Variants in RABGAP1L observed in about 807,000 individuals in gnomAD.
The protein encoded by RABGAP1L is RAB GTPase activating protein 1 like, also known as rab GTPase-activating protein 1-like.
Under a neutral mutation model 137.7 loss-of-function variants are expected in RABGAP1L, and 63 were observed. That is an observed-to-expected ratio of 0.46 (90% CI 0.37 to 0.56). The LOEUF is 0.56. Among genes scored for constraint, RABGAP1L ranks in the 20% least tolerant of loss-of-function variants. RABGAP1L has a pLI of 0.00. For missense variants in RABGAP1L, 1,095 were observed against 1,244.0 expected, an observed-to-expected ratio of 0.88 and a Z score of 1.80; for synonymous variants, 431 against 433.7, an observed-to-expected ratio of 0.99 and a Z score of 0.08.
At chr1:174,577,494 C>T (rs1191141885) in intron 13 of RABGAP1L, among the ~76,000 whole-genome samples, 2 of 152,020 alleles carry the variant, frequency 1.3e-5, no homozygotes, top group African/African-American at 2.4e-5. Context: ...TAAGTGTTTA[C>T]TGTTACTGCC....
At chr1:174,730,974 T>C (rs1682415670) in intron 17 of RABGAP1L, among the ~76,000 whole-genome samples, 1 of 152,086 alleles carries the variant, frequency 6.6e-6, no homozygotes, top group South Asian at 2.1e-4. Context: ...AGTATCTTGC[T>C]ATTTTATTTT....
chr1:174,253,263 G>A (rs901318845), intron 7 of RABGAP1L, among the ~76,000 whole-genome samples: 18 of 152,092 alleles, frequency 1.2e-4, no homozygotes, highest in Non-Finnish European at 1.9e-4. Flanking sequence ...AGGGAAATGC[G>A]AATTATAGTA....
chr1:174,414,191 C>T (rs1011174499), intron 13 of RABGAP1L, among the ~76,000 whole-genome samples: 7 of 151,726 alleles, frequency 4.6e-5, no homozygotes, highest in East Asian at 1.9e-4. Flanking sequence ...ATTTCTAGGC[C>T]ACATGGTTGG....
rs1669897919 is a variant in RABGAP1L at position 174,223,256 on chromosome 1, ACT to A, written c.331+2095_331+2096del. On this transcript the variant is annotated intron_variant, in intron 3 of 25. Transcript: ENST00000681986. The stretch of plus-strand genomic sequence containing the variant: ...GCACTCCAGCCTGCGTGACAGTGAG[ACT>A]CTGTCTAAAAAAAAAAAAAAAAAAA... Among the ~76,000 whole-genome samples, 4 of 98,032 alleles carry A rather than the reference ACT, an allele frequency of 4.1e-5. 1 individual carries two copies. Among genetic ancestry groups the A allele is most frequent in the East Asian group, 7.6e-4 (2 of 2,626 alleles). The allele number at this position is 98,032 out of a possible 152,430, so 64.3% of individuals were successfully genotyped here.
At chr1:174,283,316 G>C (rs1409420581) in intron 10 of RABGAP1L, among the ~76,000 whole-genome samples, 1 of 152,008 alleles carries the variant, frequency 6.6e-6, no homozygotes, top group Admixed American at 6.5e-5. Context: ...TGAGGTGGGA[G>C]GATTGCTTGA....
At position 174,215,467 on chromosome 1, in the gene RABGAP1L, A is replaced by AT. The variant is rs1553254143; in HGVS notation, c.-33-3658_-33-3657insT. Reference sequence around the variant, plus strand: ...AGCGAAACTCCATCTCAAAAAAAAAAAATAATAATAATAAAATAAAATCTA... The same window carrying AT: ...AGCGAAACTCCATCTCAAAAAAAAAATAATAATAATAATAAAATAAAATCTA... On this transcript the variant is annotated intron_variant, in intron 1 of 25. Transcript: ENST00000681986. Among the ~76,000 whole-genome samples the AT allele has an allele frequency of 1.3e-5, 2 of 150,822 alleles. 1 individual carries two copies. The highest frequency in any genetic ancestry group is 3.0e-5 in the Non-Finnish European group (2 of 67,710).
chr1:174,742,085 G>GCA, intron 17 of RABGAP1L, among the ~76,000 whole-genome samples: 1 of 112,608 alleles, frequency 8.9e-6, no homozygotes, highest in Admixed American at 9.0e-5. Context: ...GGAGGGGGGA[G>GCA]GAGGAGGAAA....
intron 19 of RABGAP1L, among the ~76,000 whole-genome samples, chr1:174,928,500 T>A (rs1663197538): frequency 6.6e-6 from 1 of 151,896 alleles, no homozygotes; most frequent in Non-Finnish European, 1.5e-5. Context: ...CAGGCAATGA[T>A]TGAGATAAAA....
chr1:174,421,128 A>G (rs1042737426), intron 13 of RABGAP1L, among the ~76,000 whole-genome samples: 2 of 152,218 alleles, frequency 1.3e-5, no homozygotes, highest in African/African-American at 2.4e-5. Context: ...GAATGAAGAC[A>G]AGCTAAGCTT....
chr1:174,685,551 C>CTTTCTTTCTTTATTTATTTA (rs112033205), intron 15 of RABGAP1L, among the ~76,000 whole-genome samples: 23 of 145,064 alleles, frequency 1.6e-4, no homozygotes, highest in African/African-American at 6.0e-4. Context: ...CCGCGCCGGC[C>CTTTCTTTCTTTATTTATTTA]TTTATTTATT....
chr1:174,222,143 C>T (rs528621057), intron 3 of RABGAP1L, among the ~76,000 whole-genome samples: 1 of 152,048 alleles, frequency 6.6e-6, no homozygotes, highest in South Asian at 2.1e-4. Flanking sequence ...GCCTGTTTTA[C>T]GGATTAAATA....
chr1:174,782,340 A>T lies in RABGAP1L; in HGVS notation c.2212-29492A>T, dbSNP rs960266811. 1.5e-4 allele frequency among the ~76,000 whole-genome samples: 23 copies of T among 152,224 alleles called. No individual in the cohort carries two copies. In the East Asian group the frequency reaches 3.9e-3, roughly 26 times the overall value. On this transcript the variant is annotated intron_variant, in intron 18 of 25. Coordinates refer to ENST00000681986, the MANE Select transcript of RABGAP1L (RefSeq NM_001366446.1). ...TCTCTTTGAAGCAATTGTGAATGGGAATTCACTCATGATTTGGCTCTCTGT... is the reference window on the plus strand; with the variant it reads ...TCTCTTTGAAGCAATTGTGAATGGGTATTCACTCATGATTTGGCTCTCTGT...
intron 11 of RABGAP1L, among the ~76,000 whole-genome samples, chr1:174,352,654 C>T (rs1683299576): frequency 6.6e-6 from 1 of 152,128 alleles, no homozygotes; most frequent in South Asian, 2.1e-4. Context: ...GGTGTCTGAA[C>T]ATTGAAGAGT....
intron 19 of RABGAP1L, among the ~76,000 whole-genome samples, chr1:174,955,402 A>C (rs570479289): frequency 6.6e-6 from 1 of 152,356 alleles, no homozygotes; most frequent in South Asian, 2.1e-4. Context: ...TAAGAAGAAC[A>C]AAGTAATTAG....
At chr1:174,394,211 A>G in intron 13 of RABGAP1L, 66 bp downstream of exon 13, 1 of 1,545,456 alleles carries the variant, frequency 6.5e-7, no homozygotes, top group Non-Finnish European at 8.8e-7. Context: ...TAGTTTTCAT[A>G]GCTCCCATAA....
intron 14 of RABGAP1L, among the ~76,000 whole-genome samples, chr1:174,650,670 C>T (rs1366845766): frequency 1.7e-4 from 26 of 151,372 alleles, no homozygotes; most frequent in Admixed American, 7.9e-4. Flanking sequence ...TCTGTGGGAT[C>T]GGTGGTGATA....
intron 13 of RABGAP1L, among the ~76,000 whole-genome samples, chr1:174,404,665 G>A (rs1649049590): frequency 6.6e-6 from 1 of 151,906 alleles, no homozygotes; most frequent in Non-Finnish European, 1.5e-5. Context: ...TACTGTGCTA[G>A]GATAATAATA....
intron 5 of RABGAP1L, among the ~76,000 whole-genome samples, chr1:174,250,004 C>G (rs1303530804): frequency 6.6e-6 from 1 of 152,122 alleles, no homozygotes; most frequent in Non-Finnish European, 1.5e-5. Context: ...AATCATAGTT[C>G]TCTTCTGGTC....
intron 13 of RABGAP1L, among the ~76,000 whole-genome samples, chr1:174,578,103 TG>T (rs1668503842): frequency 6.6e-6 from 1 of 152,244 alleles, no homozygotes; most frequent in South Asian, 2.1e-4. Flanking sequence ...GTAGTGCATA[TG>T]TGCCTGTTTG....
Sources: allele counts gnomAD v4.1 joint callset (sites outside exome capture counted in the v4.1 genomes callset), GRCh38; gene constraint gnomAD v4.1.1; transcripts MANE v1.5; gene names NCBI Gene and HGNC (gene_info 2026-07-23, HGNC 2026-07-21).